C1QTNF8: variants seen among roughly 807,000 people sequenced by gnomAD.
C1QTNF8 encodes C1q and TNF related 8.
A neutral mutation model predicts 19.2 loss-of-function variants in C1QTNF8; 27 were observed. That is an observed-to-expected ratio of 1.41 (90% confidence interval 1.04 to 1.94). The LOEUF (loss-of-function observed/expected upper bound fraction) is 1.94, where lower values mean the gene tolerates loss of function less well. C1QTNF8 is among the 30% of genes most tolerant of loss of function. C1QTNF8 has a pLI of 0.00. For synonymous variants in C1QTNF8, 208 were observed against 172.8 expected, an observed-to-expected ratio of 1.20 and a Z score of -1.60; for missense variants, 484 against 374.4, an observed-to-expected ratio of 1.29 and a Z score of -2.42.
chr16:1,094,976 C>T, intron 2 of C1QTNF8, 43 bp from the exon 3 acceptor site: 1 of 887,394 alleles, frequency 1.1e-6, no homozygotes, highest in Middle Eastern at 3.7e-4. Context: ...AGGAGGTGCC[C>T]CAGCTGGAGC....
intron 4 of C1QTNF8, among the ~76,000 whole-genome samples, chr16:1,092,542 G>A (rs556629650): frequency 1.1e-3 from 138 of 125,654 alleles, no homozygotes; most frequent in African/African-American, 4.2e-3. Context: ...CACACAGTCG[G>A]CGCTCAATCA....
chr16:1,094,171 G>T lies in C1QTNF8; in HGVS notation c.209-120C>A, dbSNP rs138636330. The T allele has an allele frequency of 1.9e-5, 15 of 772,976 alleles. No individual in the cohort carries two copies. In the African/African-American group the frequency reaches 2.6e-4, roughly 13 times the overall value. 47.9% of individuals were successfully genotyped at this position (772,976 alleles called of 1,614,324 possible). A position where few individuals can be genotyped will look rare whatever the true frequency, so the allele number is the denominator to read the frequency against. On this transcript the variant is annotated intron_variant, in intron 3 of 4. Transcript: ENST00000328449. ...CTGTAAGGACACACTCTTTGCAAGT[G>T]ACGGCCCCTCTCCCAGTCTCCGCGT...
chr16:1,091,722 A>C (rs896369226), intron 4 of C1QTNF8, among the ~76,000 whole-genome samples: 1 of 152,078 alleles, frequency 6.6e-6, no homozygotes, highest in African/African-American at 2.4e-5. Flanking sequence ...ATCAGGGTCC[A>C]ATCTTCCTCC....
rs1178235749 is a variant in C1QTNF8, at chr16:1,089,109, A to C, written c.*1490T>G. 3.9e-5 allele frequency among the ~76,000 whole-genome samples: 6 copies of C among 152,112 alleles called. No individual in the cohort carries two copies. In the East Asian group the frequency reaches 9.6e-4, roughly 24 times the overall value. On this transcript the variant is annotated 3_prime_UTR_variant, in exon 5 of 5. Transcript: ENST00000328449. ...AGCCGGGCCAGGGCCAGGGCCAGGG[A>C]AAGGAACGGTTGTCTGGGATTCTGG...
rs757382729 is a variant in C1QTNF8 at position 1,093,656 on chromosome 16, T to A, written c.604A>T (p.Met202Leu). The change falls in exon 4 of 5, where the codon ATG (methionine) becomes TTG (leucine). Residue 202 changes from methionine to leucine, a missense_variant. Coordinates refer to ENST00000328449, the MANE Select transcript of C1QTNF8 (RefSeq NM_207419.3). ...LYAQPSERSV[M>L]QAQSLMLLLA... ...AGCAGCATCAGGCTCTGGGCCTGCA[T>A]GACGCTGCGCTCGCTGGGCTGCGCG... 7.4e-6 allele frequency: 12 copies of A among 1,611,406 alleles called. 1 individual carries two copies. Among genetic ancestry groups the A allele is most frequent in the South Asian group, 1.1e-5 (1 of 91,022 alleles).
rs765700680 is a variant in C1QTNF8 at position 1,093,640 on chromosome 16, A to C, written c.620T>G (p.Leu207Arg). Reference protein sequence around the residue: ...SERSVMQAQSLMLLLAAGDAV... With the variant: ...SERSVMQAQSRMLLLAAGDAV... ...GTCGCCCGCCGCCAGCAGCAGCATCAGGCTCTGGGCCTGCATGACGCTGCG... is the reference window on the plus strand; with the variant it reads ...GTCGCCCGCCGCCAGCAGCAGCATCCGGCTCTGGGCCTGCATGACGCTGCG... Residue 207 changes from leucine to arginine, a missense_variant, in exon 4 of 5, where the codon CTG (leucine) becomes CGG (arginine). Transcript: ENST00000328449. 6.2e-7 allele frequency: 1 copy of C among 1,609,856 alleles called. No homozygotes were observed. Among genetic ancestry groups the C allele is most frequent in the East Asian group, 2.2e-5 (1 of 44,780 alleles).
rs1236631149 is a variant in C1QTNF8 at position 1,089,032 on chromosome 16, C to T, written c.*1567G>A. On this transcript the variant is annotated 3_prime_UTR_variant, in exon 5 of 5. Coordinates refer to ENST00000328449, the MANE Select transcript of C1QTNF8 (RefSeq NM_207419.3). Reference sequence around the variant, plus strand: ...GACTCTCTTCCTCAGGACCACCTGCCACCCTGGCAGCACAGGCTCACTGGA... The same window carrying T: ...GACTCTCTTCCTCAGGACCACCTGCTACCCTGGCAGCACAGGCTCACTGGA... Among the ~76,000 whole-genome samples, 5 of 152,188 alleles carry T rather than the reference C, an allele frequency of 3.3e-5. No individual in the cohort carries two copies. The highest frequency in any genetic ancestry group is 6.5e-5 in the Admixed American group (1 of 15,288).
At position 1,094,879 on chromosome 16, in the gene C1QTNF8, A is replaced by G. The variant is rs557211432; in HGVS notation, c.44T>C (p.Val15Ala). The G allele has an allele frequency of 4.7e-5, 66 of 1,394,274 alleles. 1 individual carries two copies. The South Asian group carries it at 9.4e-4, about 20-fold the overall frequency. The allele number at this position is 1,394,274 out of a possible 1,614,324, so 86.4% of individuals were successfully genotyped here. ...ALLLLALLLP[V>A]GAWPGLPRRP... is the part of the protein sequence containing the mutation. Reference sequence around the variant, plus strand: ...CCTGGGCAGCCCGGGCCAGGCCCCCACGGGCAGCAGCAGTGCTAGGAGCAG... The same window carrying G: ...CCTGGGCAGCCCGGGCCAGGCCCCCGCGGGCAGCAGCAGTGCTAGGAGCAG... The change falls in exon 3 of 5, where the codon GTG becomes GCG. Residue 15 changes from valine to alanine, a missense_variant. Physicochemically the swap from Val to Ala is moderately conservative, Grantham distance 64. Transcript: ENST00000328449.
At position 1,089,534 on chromosome 16, in the gene C1QTNF8, C is replaced by T. The variant is rs367676588; in HGVS notation, c.*1065G>A. 2.2e-4 allele frequency among the ~76,000 whole-genome samples: 34 copies of T among 152,340 alleles called. No homozygotes were observed. The highest frequency in any genetic ancestry group is 3.2e-4 in the Non-Finnish European group (22 of 68,022). On this transcript the variant is annotated 3_prime_UTR_variant, in exon 5 of 5. Transcript: ENST00000328449. ...CCCCCTGCTGCACGGGAAGCTGAGG[C>T]GACAGGCAGAGCTGGCAGGGACACG...
chr16:1,091,927 T>C (rs1960553134), intron 4 of C1QTNF8, among the ~76,000 whole-genome samples: 1 of 152,204 alleles, frequency 6.6e-6, no homozygotes. Flanking sequence ...CTCCCCTGGG[T>C]CCATCCACAC....
Position 1,093,584 on chromosome 16 carries a change from G to T in C1QTNF8, c.676C>A (p.Arg226=). Reference sequence around the variant, plus strand: ...TGCTCGCCGTAGATGGCGTTGTCCCGGTCGCGCTGGAACATGCGCACCCAG... The same window carrying T: ...TGCTCGCCGTAGATGGCGTTGTCCCTGTCGCGCTGGAACATGCGCACCCAG... The part of the protein sequence containing the change: ...AVWVRMFQRD[R]DNAIYGEHGD... The change falls in exon 4 of 5, where the codon CGG becomes AGG. Residue 226 remains arginine (R), a synonymous_variant. Coordinates refer to ENST00000328449, the MANE Select transcript of C1QTNF8 (RefSeq NM_207419.3). 3.1e-6 allele frequency: 5 copies of T among 1,599,606 alleles called. No individual in the cohort carries two copies. The highest frequency in any genetic ancestry group is 1.1e-5 in the South Asian group (1 of 89,732).
rs981265296 is a variant in C1QTNF8 at position 1,094,890 on chromosome 16, C to T, written c.33G>A (p.Leu11=). ...CGGGCCAGGCCCCCACGGGCAGCAGCAGTGCTAGGAGCAGCAGGGCGGGGG... is the reference window on the plus strand; with the variant it reads ...CGGGCCAGGCCCCCACGGGCAGCAGTAGTGCTAGGAGCAGCAGGGCGGGGG... MAAPALLLLA[L]LLPVGAWPGL... Residue 11 remains leucine (L), a synonymous_variant, in exon 3 of 5, where the codon CTG becomes CTA. Coordinates refer to ENST00000328449, the MANE Select transcript of C1QTNF8 (RefSeq NM_207419.3). The T allele has an allele frequency of 1.4e-6, 2 of 1,385,526 alleles. No individual in the cohort carries two copies. The highest frequency in any genetic ancestry group is 1.9e-6 in the Non-Finnish European group (2 of 1,064,906). 85.8% of individuals were successfully genotyped at this position (1,385,526 alleles called of 1,614,324 possible). A position where few individuals can be genotyped will look rare whatever the true frequency, so the allele number is the denominator to read the frequency against.
In C1QTNF8 at chr16:1,092,887, C is replaced by G. The variant is rs35577013; in HGVS notation, c.*4+610G>C. 6.0e-3 allele frequency among the ~76,000 whole-genome samples: 145 copies of G among 24,280 alleles called. No homozygotes were observed. The Middle Eastern group carries it at 0.071, about 12-fold the overall frequency. 15.9% of individuals were successfully genotyped at this position (24,280 alleles called of 152,430 possible). On this transcript the variant is annotated intron_variant, in intron 4 of 4. Coordinates refer to ENST00000328449, the MANE Select transcript of C1QTNF8 (RefSeq NM_207419.3). ...TCCCTGCACACAGTCGGCGCTCAAC[C>G]AATCCCTGCACACAGTCGGCGCTCA...
chr16:1,093,869 C>A lies in C1QTNF8; in HGVS notation c.391G>T (p.Asp131Tyr). ...TCGAAGGGCACCGCCTGGAAGTGGT[C>A]GGAGCTGTGCAGGCCCTCGCGCCGG... Reference protein sequence around the residue: ...VGRREGLHSSDHFQAVPFDTE... With the variant: ...VGRREGLHSSYHFQAVPFDTE... The change falls in exon 4 of 5, where the codon GAC (aspartate) becomes TAC (tyrosine). Residue 131 changes from aspartate (D) to tyrosine (Y), a missense_variant. Coordinates refer to ENST00000328449, the MANE Select transcript of C1QTNF8 (RefSeq NM_207419.3). 4 of 1,597,934 alleles carry A rather than the reference C, an allele frequency of 2.5e-6. No individual in the cohort carries two copies. The highest frequency in any genetic ancestry group is 3.4e-6 in the Non-Finnish European group (4 of 1,176,646).
At chr16:1,090,769 CAGTGGTG>C (rs1960528726) in intron 4 of C1QTNF8, among the ~76,000 whole-genome samples, 175 bp from the exon 5 acceptor site, 1 of 152,212 alleles carries the variant, frequency 6.6e-6, no homozygotes, top group Non-Finnish European at 1.5e-5. Flanking sequence ...AGGCCTGGCC[CAGTGGTG>C]GGTGGTGGGG....
At chr16:1,091,939 G>A (rs1305182362) in intron 4 of C1QTNF8, among the ~76,000 whole-genome samples, 3 of 152,064 alleles carry the variant, frequency 2.0e-5, no homozygotes, top group Non-Finnish European at 4.4e-5. Context: ...CATCCACACC[G>A]GGCAGGTGCT....
chr16:1,090,589 G>A lies in C1QTNF8; in HGVS notation c.*10C>T, dbSNP rs74001180. ...GCTCCCAGAGTCCCCACAGGCGGAC[G>A]TCTGTCTGTAAGGAGGGGACGGCAC... is the stretch of plus-strand genomic sequence containing the variant. On this transcript the variant is annotated 3_prime_UTR_variant, in exon 5 of 5. Coordinates refer to ENST00000328449, the MANE Select transcript of C1QTNF8 (RefSeq NM_207419.3). 18,680 of 152,392 alleles carry A rather than the reference G, an allele frequency of 0.12. 2,632 individuals carry two copies. Among genetic ancestry groups the A allele is most frequent in the African/African-American group, 0.35 (14,366 of 41,500 alleles). 9.4% of individuals were successfully genotyped at this position (152,392 alleles called of 1,614,324 possible).
chr16:1,092,655 C>T (rs1413795572), intron 4 of C1QTNF8, among the ~76,000 whole-genome samples: 1 of 116,940 alleles, frequency 8.6e-6, no homozygotes, highest in Non-Finnish European at 1.6e-5. Flanking sequence ...ACACAGTCGG[C>T]GCTCAACCAA....
At chr16:1,091,336 G>A (rs1181662265) in intron 4 of C1QTNF8, among the ~76,000 whole-genome samples, 3 of 152,216 alleles carry the variant, frequency 2.0e-5, no homozygotes, top group East Asian at 1.9e-4. Context: ...GCTCCTGCCC[G>A]GGCCCAGTGG....
Sources: gnomAD v4.1 joint callset for allele counts (sites outside exome capture counted in the v4.1 genomes callset) on GRCh38, gnomAD v4.1.1 for gene constraint, MANE v1.5 for transcripts, NCBI Gene and HGNC (gene_info 2026-07-23, HGNC 2026-07-21) for gene names.